The following NSMCE2 variants were observed in gnomAD, a reference collection of about 807,000 sequenced individuals.
NSMCE2 encodes the protein NSE2 SUMO ligase component of SMC5/6 complex, also known as E3 SUMO-protein ligase NSE2.
NSMCE2 carries 24 observed loss-of-function variants against 23.8 expected under a neutral mutation model. The ratio of observed to expected loss-of-function variants is 1.01; its 90% CI spans 0.73 to 1.42. The LOEUF (loss-of-function observed/expected upper bound fraction) is 1.42, where lower values mean the gene tolerates loss of function less well. Ranked by LOEUF, NSMCE2 falls within the 40% of genes most tolerant of loss-of-function variation. The probability of loss-of-function intolerance (pLI) is 0.00; values close to 1 mark genes in which losing one functional copy is unlikely to be tolerated. For synonymous variants in NSMCE2, 92 were observed against 94.1 expected, an observed-to-expected ratio of 0.98 and a Z score of 0.13; for missense variants, 284 against 296.5, an observed-to-expected ratio of 0.96 and a Z score of 0.31.
At chr8:125,093,685 T>C (rs1817789573) in intron 1 of NSMCE2, among the ~76,000 whole-genome samples, 1 of 152,056 alleles carries the variant, frequency 6.6e-6, no homozygotes, top group South Asian at 2.1e-4. Flanking sequence ...ATCATGCCAC[T>C]GCACTCCAGT....
rs911328474 is a variant in NSMCE2, at chr8:125,096,917, T to G, written c.-111+4959T>G. On this transcript the variant is annotated intron_variant, in intron 1 of 7. Coordinates refer to ENST00000287437, the MANE Select transcript of NSMCE2 (RefSeq NM_173685.4). Reference sequence around the variant, plus strand: ...GAGCCACCACACCTGGCCCTCTGTGTAGAATCCTAAAGTGTGCGTGACTCC... The same window carrying G: ...GAGCCACCACACCTGGCCCTCTGTGGAGAATCCTAAAGTGTGCGTGACTCC... Among the ~76,000 whole-genome samples, 3 of 152,148 alleles carry G rather than the reference T, an allele frequency of 2.0e-5. No homozygotes were observed. The East Asian group carries it at 5.8e-4, about 29-fold the overall frequency.
At chr8:125,352,792 A>C (rs1009887531) in intron 5 of NSMCE2, among the ~76,000 whole-genome samples, 3 of 152,228 alleles carry the variant, frequency 2.0e-5, no homozygotes, top group African/African-American at 7.2e-5. Context: ...TATAAGTGAT[A>C]TTTATTGCCA....
At chr8:125,194,468 T>A (rs1823513243) in intron 5 of NSMCE2, among the ~76,000 whole-genome samples, 1 of 152,182 alleles carries the variant, frequency 6.6e-6, no homozygotes, top group African/African-American at 2.4e-5. Flanking sequence ...ATCGCATGGA[T>A]ATACCATAGT....
At chr8:125,357,142 C>T (rs998797848) in intron 5 of NSMCE2, 77 bp from the exon 6 acceptor site, 10 of 939,336 alleles carry the variant, frequency 1.1e-5, no homozygotes, top group African/African-American at 1.6e-5. Context: ...AGAAACTCTT[C>T]ACCTCCCTTC....
chr8:125,295,452 A>T (rs966645529), intron 5 of NSMCE2, among the ~76,000 whole-genome samples: 2 of 152,240 alleles, frequency 1.3e-5, no homozygotes, highest in African/African-American at 4.8e-5. Context: ...AGGATTTCTC[A>T]GAAATCTCCC....
At chr8:125,314,492 A>G (rs1165980716) in intron 5 of NSMCE2, among the ~76,000 whole-genome samples, 1 of 152,118 alleles carries the variant, frequency 6.6e-6, no homozygotes, top group Non-Finnish European at 1.5e-5. Context: ...GGGTTTTGCC[A>G]TGTTGGCCAG....
At chr8:125,325,914 T>C (rs1294679324) in intron 5 of NSMCE2, among the ~76,000 whole-genome samples, 2 of 152,138 alleles carry the variant, frequency 1.3e-5, no homozygotes, top group African/African-American at 4.8e-5. Flanking sequence ...ATTGCGGCAC[T>C]GTACTCCAGC....
chr8:125,123,260 G>T (rs533263959), intron 3 of NSMCE2, among the ~76,000 whole-genome samples: 2 of 152,114 alleles, frequency 1.3e-5, no homozygotes, highest in Non-Finnish European at 2.9e-5. Flanking sequence ...CTAGACTCAG[G>T]TGTGTTTATA....
At chr8:125,232,535 GT>G (rs1825368700) in intron 5 of NSMCE2, among the ~76,000 whole-genome samples, 2 of 152,128 alleles carry the variant, frequency 1.3e-5, no homozygotes, top group Non-Finnish European at 2.9e-5. Flanking sequence ...TAATAGTACT[GT>G]AATGTTTCTT....
chr8:125,142,360 A>G (rs572947344), intron 3 of NSMCE2, among the ~76,000 whole-genome samples: 4 of 152,326 alleles, frequency 2.6e-5, no homozygotes, highest in African/African-American at 9.6e-5. Context: ...CTAGATTTGA[A>G]TGAAGTCTAA....
At chr8:125,113,483 A>AAAAT (rs1354692422) in intron 3 of NSMCE2, among the ~76,000 whole-genome samples, 3 of 152,180 alleles carry the variant, frequency 2.0e-5, no homozygotes, top group African/African-American at 7.2e-5. Context: ...CTGTCTCTAA[A>AAAAT]AAATAAATAA....
At chr8:125,310,606 T>C (rs1210313887) in intron 5 of NSMCE2, among the ~76,000 whole-genome samples, 2 of 152,198 alleles carry the variant, frequency 1.3e-5, no homozygotes, top group Non-Finnish European at 2.9e-5. Context: ...TTTTTTTTTG[T>C]CTTCTGCATA....
At chr8:125,127,941 T>C (rs1819590774) in intron 3 of NSMCE2, among the ~76,000 whole-genome samples, 2 of 152,208 alleles carry the variant, frequency 1.3e-5, no homozygotes, top group Admixed American at 1.3e-4. Flanking sequence ...GTTAAGTACT[T>C]ATGTGTGGAA....
intron 5 of NSMCE2, among the ~76,000 whole-genome samples, chr8:125,333,606 C>T (rs1185980759): frequency 6.8e-6 from 1 of 146,498 alleles, no homozygotes; most frequent in Non-Finnish European, 1.5e-5. Context: ...GCTCCGCCTC[C>T]CGGGTTCACG....
chr8:125,313,726 G>A (rs757854945), intron 5 of NSMCE2, among the ~76,000 whole-genome samples: 12 of 152,098 alleles, frequency 7.9e-5, no homozygotes, highest in Non-Finnish European at 1.2e-4. Context: ...ATACTCTTCC[G>A]TGGACAAAGT....
intron 3 of NSMCE2, among the ~76,000 whole-genome samples, chr8:125,139,040 C>T (rs1449378930): frequency 6.6e-6 from 1 of 152,162 alleles, no homozygotes; most frequent in Non-Finnish European, 1.5e-5. Context: ...TTGTCATTGC[C>T]TGGCAGTGTT....
chr8:125,300,554 G>T (rs1009519503), intron 5 of NSMCE2, among the ~76,000 whole-genome samples: 2 of 152,154 alleles, frequency 1.3e-5, no homozygotes, highest in African/African-American at 2.4e-5. Flanking sequence ...CAGTAAGTTG[G>T]CACTGTTCCA....
intron 3 of NSMCE2, among the ~76,000 whole-genome samples, chr8:125,147,414 T>G (rs1427926111): frequency 6.6e-6 from 1 of 152,198 alleles, no homozygotes; most frequent in East Asian, 1.9e-4. Flanking sequence ...GGCATCATTC[T>G]TGTCCTCAAA....
chr8:125,179,277 A>G (rs887504580), intron 4 of NSMCE2, among the ~76,000 whole-genome samples: 4 of 152,192 alleles, frequency 2.6e-5, no homozygotes, highest in African/African-American at 7.2e-5. Context: ...GTTAAAGGCT[A>G]CAGTAAACTG....
Sources: gnomAD v4.1 joint callset for allele counts (sites outside exome capture counted in the v4.1 genomes callset) on GRCh38, gnomAD v4.1.1 for gene constraint, MANE v1.5 for transcripts, NCBI Gene and HGNC (gene_info 2026-07-23, HGNC 2026-07-21) for gene names.